Variants in TENM3 observed in about 807,000 individuals in gnomAD.
TENM3 encodes the protein teneurin-3.
In TENM3, 63 loss-of-function variants were observed where a neutral mutation model predicts 255.1. The ratio of observed to expected loss-of-function variants is 0.25; its 90% CI spans 0.20 to 0.30. The LOEUF (loss-of-function observed/expected upper bound fraction) is 0.30, where lower values mean the gene tolerates loss of function less well. Among genes scored for constraint, TENM3 ranks in the 10% least tolerant of loss-of-function variants. The probability of loss-of-function intolerance (pLI) is 1.00; values close to 1 mark genes in which losing one functional copy is unlikely to be tolerated. For synonymous variants in TENM3, 1,306 were observed against 1,322.3 expected, an observed-to-expected ratio of 0.99 and a Z score of 0.27; for missense variants, 2,929 against 3,461.1, an observed-to-expected ratio of 0.85 and a Z score of 3.86.
At position 182,590,891 on chromosome 4, in the gene TENM3, A is replaced by G. The variant is rs376949739; in HGVS notation, c.512-10033A>G. On this transcript the variant is annotated intron_variant, in intron 3 of 27. Transcript: ENST00000511685. ...AAAAACCAGAAAAAAGAAAAAGATT[A>G]CAGAAACTGGCAGACCTCCTCAGGA... Among the ~76,000 whole-genome samples, 5 of 152,114 alleles carry G rather than the reference A, an allele frequency of 3.3e-5. No homozygotes were observed. In the East Asian group the frequency reaches 9.7e-4, roughly 29 times the overall value.
the TENM3 span, among the ~76,000 whole-genome samples, chr4:181,647,302 C>G: frequency 2.8e-4 from 42 of 152,290 alleles, 1 homozygote; most frequent in South Asian, 7.9e-3. Context: ...ACAGTGCTGT[C>G]TCCATGATGA....
At chr4:182,421,506 C>A (rs1561429846) in intron 3 of TENM3, among the ~76,000 whole-genome samples, 1 of 152,064 alleles carries the variant, frequency 6.6e-6, no homozygotes, top group Non-Finnish European at 1.5e-5. Context: ...CAGAAATATC[C>A]TCTGAGCATT....
intron 14 of TENM3, 61 bp downstream of exon 14, chr4:182,729,242 A>C: frequency 7.2e-7 from 1 of 1,388,080 alleles, no homozygotes; most frequent in Non-Finnish European, 1.0e-6. Context: ...ACATACACTT[A>C]TGTGAAATAC....
chr4:181,828,247 G>A, the TENM3 span, among the ~76,000 whole-genome samples: 4 of 152,138 alleles, frequency 2.6e-5, no homozygotes, highest in Admixed American at 6.5e-5. Context: ...CTCCTCTGCC[G>A]CCCCTGACTG....
At chr4:181,490,407 G>C in the TENM3 span, among the ~76,000 whole-genome samples, 5 of 152,158 alleles carry the variant, frequency 3.3e-5, no homozygotes, top group African/African-American at 4.8e-5. Flanking sequence ...CATCCATCCA[G>C]TCAATAACGT....
At chr4:181,837,051 C>T in the TENM3 span, among the ~76,000 whole-genome samples, 1 of 152,192 alleles carries the variant, frequency 6.6e-6, no homozygotes, top group Admixed American at 6.5e-5. Flanking sequence ...TTCAGAAGAA[C>T]AGAAAATGCA....
chr4:182,213,917 T>A (rs1755237849), intron 1 of TENM3, among the ~76,000 whole-genome samples: 1 of 152,078 alleles, frequency 6.6e-6, no homozygotes, highest in East Asian at 1.9e-4. Context: ...TTCTCCTGCC[T>A]CAGCCTCCCG....
At chr4:181,484,638 T>C in the TENM3 span, among the ~76,000 whole-genome samples, 1 of 152,194 alleles carries the variant, frequency 6.6e-6, no homozygotes, top group Non-Finnish European at 1.5e-5. Context: ...GTTTAATTAG[T>C]TGCTGCAGTA....
intron 3 of TENM3, among the ~76,000 whole-genome samples, chr4:182,427,723 C>G (rs1771330821): frequency 6.6e-6 from 1 of 152,174 alleles, no homozygotes; most frequent in Admixed American, 6.5e-5. Flanking sequence ...GGCATCTACA[C>G]AAAATGCAAT....
intron 3 of TENM3, among the ~76,000 whole-genome samples, chr4:182,362,503 C>T (rs2150790208): frequency 6.6e-6 from 1 of 152,296 alleles, no homozygotes; most frequent in East Asian, 1.9e-4. Context: ...AGCGAGACTC[C>T]ATGGGTGTAG....
chr4:182,742,986 T>C (rs931383699), intron 18 of TENM3, among the ~76,000 whole-genome samples, 184 bp from the exon 19 acceptor site: 1 of 152,244 alleles, frequency 6.6e-6, no homozygotes. Flanking sequence ...TCCTATGGAC[T>C]TTATCGTGTA....
chr4:181,522,745 A>G, the TENM3 span: 2 of 714,512 alleles, frequency 2.8e-6, no homozygotes, highest in South Asian at 1.4e-5. Context: ...CATTCTTCTA[A>G]GAAAATGGAC....
the TENM3 span, among the ~76,000 whole-genome samples, chr4:182,123,574 C>T: frequency 1.3e-5 from 2 of 152,146 alleles, no homozygotes; most frequent in African/African-American, 4.8e-5. Flanking sequence ...TCAGAACACA[C>T]ACAACATTTA....
chr4:182,288,199 G>A (rs532304702), intron 1 of TENM3, among the ~76,000 whole-genome samples: 1 of 152,226 alleles, frequency 6.6e-6, no homozygotes, highest in Non-Finnish European at 1.5e-5. Flanking sequence ...GCCTCCCAAA[G>A]TACTGGGATT....
intron 1 of TENM3, among the ~76,000 whole-genome samples, chr4:182,297,732 G>T (rs1761585558): frequency 6.6e-6 from 1 of 152,190 alleles, no homozygotes; most frequent in Non-Finnish European, 1.5e-5. Context: ...GGCCTCATTA[G>T]CTGTTATTTA....
At chr4:181,753,065 C>T in the TENM3 span, among the ~76,000 whole-genome samples, 1 of 151,460 alleles carries the variant, frequency 6.6e-6, no homozygotes, top group Non-Finnish European at 1.5e-5. Context: ...AAGTGTCATT[C>T]TATTTGTTTA....
chr4:181,450,698 G>A, the TENM3 span, among the ~76,000 whole-genome samples: 14 of 152,262 alleles, frequency 9.2e-5, no homozygotes, highest in East Asian at 2.7e-3. Context: ...TCAGTAGAAG[G>A]CATAGAACAC....
At chr4:181,839,388 C>G in the TENM3 span, among the ~76,000 whole-genome samples, 1 of 77,982 alleles carries the variant, frequency 1.3e-5, no homozygotes, top group East Asian at 3.7e-4. Context: ...TATATATACA[C>G]CTATATACAT....
intron 6 of TENM3, among the ~76,000 whole-genome samples, chr4:182,657,427 A>C (rs1230047514): frequency 6.6e-6 from 1 of 152,190 alleles, no homozygotes; most frequent in East Asian, 1.9e-4. Context: ...TCCTCCACAT[A>C]TGTGGATCTA....
Sources: allele counts gnomAD v4.1 joint callset (sites outside exome capture counted in the v4.1 genomes callset), GRCh38; gene constraint gnomAD v4.1.1; transcripts MANE v1.5; gene names NCBI Gene and HGNC (gene_info 2026-07-23, HGNC 2026-07-21).